Variants in CUX1 observed in about 807,000 individuals in gnomAD.
The protein encoded by CUX1 is cut like homeobox 1, also known as protein CASP.
In CUX1, 31 loss-of-function variants were observed where a neutral mutation model predicts 158.8. The observed-to-expected ratio is 0.20, with a 90% CI of 0.15 to 0.26. The LOEUF is 0.26. Ranked by LOEUF, CUX1 falls within the 10% of genes least tolerant of loss-of-function variation. The pLI is 1.00. For synonymous variants in CUX1, 879 were observed against 862.1 expected (o/e 1.02, Z -0.34); for missense variants, 1,589 against 2,014.6 (o/e 0.79, Z 4.04).
At chr7:102,218,987 A>G (rs552881717) in intron 20 of CUX1, among the ~76,000 whole-genome samples, 2 of 151,400 alleles carry the variant, frequency 1.3e-5, no homozygotes, top group South Asian at 4.2e-4. Context: ...CAGGAGGCAG[A>G]GGCTGCAGTG....
At chr7:102,029,511 G>C (rs1294640037) in intron 3 of CUX1, among the ~76,000 whole-genome samples, 1 of 152,106 alleles carries the variant, frequency 6.6e-6, no homozygotes, top group Non-Finnish European at 1.5e-5. Flanking sequence ...TCATCAACTG[G>C]GAGCGAGAGC....
rs564196813 is a variant in CUX1 at position 102,119,284 on chromosome 7, T to C, written c.674+4011T>C. On this transcript the variant is annotated intron_variant, in intron 8 of 23. Transcript: ENST00000292535. The stretch of plus-strand genomic sequence containing the variant: ...GTGGGGAGATGTCACAGGGTACCCA[T>C]CCCTCTCCCGTTTTGGAGAGAAGCC... Among the ~76,000 whole-genome samples the C allele has an allele frequency of 3.7e-4, 32 of 87,626 alleles. 1 individual carries two copies. In the South Asian group the frequency reaches 7.2e-3, roughly 20 times the overall value. The allele number at this position is 87,626 out of a possible 152,430, so 57.5% of individuals were successfully genotyped here.
intron 2 of CUX1, among the ~76,000 whole-genome samples, chr7:101,943,641 G>A (rs1230316339): frequency 6.6e-6 from 1 of 151,280 alleles, no homozygotes; most frequent in Middle Eastern, 3.4e-3. Context: ...GCCACAAGTA[G>A]GTTGGGAACA....
chr7:101,992,190 C>T (rs1815227400), intron 2 of CUX1, among the ~76,000 whole-genome samples: 1 of 152,108 alleles, frequency 6.6e-6, no homozygotes, highest in Admixed American at 6.5e-5. Flanking sequence ...CTAGCCAGAG[C>T]TTTCCTACTG....
chr7:101,881,072 C>A lies in CUX1; in HGVS notation c.31-35043C>A, dbSNP rs548937595. 3.0e-4 allele frequency among the ~76,000 whole-genome samples: 46 copies of A among 152,000 alleles called. No individual in the cohort carries two copies. The South Asian group carries it at 9.1e-3, about 30-fold the overall frequency. ...AACGGGGGCTGAGTTACAAGTATTA[C>A]CTGTAGGAATAAACAATTCTTTTGA... On this transcript the variant is annotated intron_variant, in intron 1 of 23. Transcript: ENST00000292535.
chr7:102,192,946 C>T (rs1439737503), intron 12 of CUX1, among the ~76,000 whole-genome samples: 2 of 152,252 alleles, frequency 1.3e-5, no homozygotes, highest in East Asian at 3.8e-4. Context: ...CTCACTGAGA[C>T]AGCCCAGAGA....
chr7:102,259,767 GAGAA>G (rs1490754389), downstream of CUX1, among the ~76,000 whole-genome samples: 264 of 138,284 alleles, frequency 1.9e-3, 1 homozygote, highest in African/African-American at 6.3e-3. Flanking sequence ...AGAAAGAAAA[GAGAA>G]AGGAAGGAAG....
intron 6 of CUX1, among the ~76,000 whole-genome samples, chr7:102,106,420 C>T (rs1242650724): frequency 1.3e-5 from 2 of 152,088 alleles, no homozygotes; most frequent in Non-Finnish European, 2.9e-5. Flanking sequence ...GGCTCTGTAA[C>T]AATATCATTG....
intron 2 of CUX1, among the ~76,000 whole-genome samples, chr7:101,976,900 ATTTTTTTTTTTT>A (rs10643207): frequency 3.0e-4 from 12 of 39,462 alleles, no homozygotes; most frequent in East Asian, 1.8e-3. Context: ...TCCCTTTCTG[ATTTTTTTTTTTT>A]TTTTTTTTTT....
chr7:102,184,891 C>T (rs1337723008), intron 11 of CUX1, among the ~76,000 whole-genome samples: 5 of 152,190 alleles, frequency 3.3e-5, no homozygotes, highest in African/African-American at 9.6e-5. Context: ...AGCAATCCTC[C>T]TGCCTCGGCC....
chr7:102,256,915 A>G lies in CUX1; in HGVS notation c.*7873A>G, dbSNP rs908565626. 1.0e-6 allele frequency: 1 copy of G among 985,446 alleles called. No homozygotes were observed. Among genetic ancestry groups the G allele is most frequent in the Non-Finnish European group, 1.2e-6 (1 of 829,952 alleles). The allele number at this position is 985,446 out of a possible 1,614,324, so 61.0% of individuals were successfully genotyped here. A position where few individuals can be genotyped will look rare whatever the true frequency, so the allele number is the denominator to read the frequency against. The stretch of plus-strand genomic sequence containing the variant: ...CAAAGTTGGTCAAAACCATCTTTCA[A>G]AGCAACAGTGTTTTGTAGTACCAGG... On this transcript the variant is annotated 3_prime_UTR_variant, in exon 24 of 24. Coordinates refer to ENST00000292535, the MANE Select transcript of CUX1 (RefSeq NM_181552.4).
At position 101,844,817 on chromosome 7, in the gene CUX1, C is replaced by G. The variant is rs543364236; in HGVS notation, c.30+27148C>G. Among the ~76,000 whole-genome samples the G allele has an allele frequency of 2.0e-5, 3 of 151,836 alleles. No homozygotes were observed. The South Asian group carries it at 6.3e-4, about 32-fold the overall frequency. ...TTTTAGTAGAGACAGGGTTTCACCA[C>G]GTTGGCCAGGCTGGTCTCGAACTCC... is the stretch of plus-strand genomic sequence containing the variant. On this transcript the variant is annotated intron_variant, in intron 1 of 23. Transcript: ENST00000292535.
At chr7:101,929,961 C>T (rs768494223) in intron 2 of CUX1, among the ~76,000 whole-genome samples, 4 of 152,214 alleles carry the variant, frequency 2.6e-5, no homozygotes, top group Non-Finnish European at 5.9e-5. Context: ...CCTACCTCAG[C>T]CTCCCAAGTA....
In CUX1 at chr7:101,835,375, A is replaced by T. The variant is rs117017065; in HGVS notation, c.30+17706A>T. 3.8e-3 allele frequency among the ~76,000 whole-genome samples: 585 copies of T among 152,160 alleles called. 2 individuals carry two copies. Among genetic ancestry groups the T allele is most frequent in the Non-Finnish European group, 6.2e-3 (419 of 67,998 alleles). On this transcript the variant is annotated intron_variant, in intron 1 of 23. Coordinates refer to ENST00000292535, the MANE Select transcript of CUX1 (RefSeq NM_181552.4). ...TAATATTCCCTGGTATGGGCATACC[A>T]GGTTTTGTGTATCCTTTCATCAGCT...
At position 102,071,680 on chromosome 7, in the gene CUX1, T is replaced by A. The variant is rs535870573; in HGVS notation, c.268+1263T>A. Among the ~76,000 whole-genome samples the A allele has an allele frequency of 5.9e-5, 9 of 152,360 alleles. No homozygotes were observed. In the South Asian group the frequency reaches 1.9e-3, roughly 32 times the overall value. ...CTCCTTTGTACCTGTACTTGTGTTCTGATTCAGGTCTACCACGGGCTTTGC... is the reference window on the plus strand; with the variant it reads ...CTCCTTTGTACCTGTACTTGTGTTCAGATTCAGGTCTACCACGGGCTTTGC... On this transcript the variant is annotated intron_variant, in intron 4 of 23. Coordinates refer to ENST00000292535, the MANE Select transcript of CUX1 (RefSeq NM_181552.4).
At chr7:102,164,700 A>T (rs782760857) in intron 9 of CUX1, among the ~76,000 whole-genome samples, 7 of 152,174 alleles carry the variant, frequency 4.6e-5, no homozygotes, top group Admixed American at 1.3e-4. Flanking sequence ...CTTCCTGCAG[A>T]GTCAGTGACA....
chr7:102,211,772 T>G (rs1159373713), intron 20 of CUX1, among the ~76,000 whole-genome samples: 1 of 90,948 alleles, frequency 1.1e-5, no homozygotes, highest in Non-Finnish European at 2.0e-5. Context: ...AGAGTGAAAC[T>G]CCATCTAAAA....
intron 5 of CUX1, among the ~76,000 whole-genome samples, chr7:102,100,991 A>G (rs1439828747): frequency 2.6e-5 from 4 of 152,152 alleles, no homozygotes; most frequent in African/African-American, 9.7e-5. Context: ...CAGAAGGTGA[A>G]AGAGGATCAG....
chr7:101,852,245 T>C (rs1305392046), intron 1 of CUX1, among the ~76,000 whole-genome samples: 1 of 152,224 alleles, frequency 6.6e-6, no homozygotes, highest in Non-Finnish European at 1.5e-5. Context: ...AGTTTTCTTA[T>C]TCTTTGAACA....
Sources: gnomAD v4.1 joint callset for allele counts (sites outside exome capture counted in the v4.1 genomes callset) on GRCh38, gnomAD v4.1.1 for gene constraint, MANE v1.5 for transcripts, NCBI Gene and HGNC (gene_info 2026-07-23, HGNC 2026-07-21) for gene names.